The following CD4 variants were observed in gnomAD, a reference collection of about 807,000 sequenced individuals.
CD4 encodes the protein T-cell surface glycoprotein CD4.
CD4 carries 25 observed loss-of-function variants against 50.5 expected under a neutral mutation model. The observed-to-expected ratio is 0.49, with a 90% CI of 0.36 to 0.69. CD4 has a LOEUF of 0.69. Among genes scored for constraint, CD4 ranks in the 30% least tolerant of loss-of-function variants. The probability of loss-of-function intolerance (pLI) is 0.00; values close to 1 mark genes in which losing one functional copy is unlikely to be tolerated. For synonymous variants in CD4, 207 were observed against 221.9 expected, an observed-to-expected ratio of 0.93 and a Z score of 0.60; for missense variants, 456 against 548.5, an observed-to-expected ratio of 0.83 and a Z score of 1.68.
chr12:6,797,794 G>A (rs1192078643), intron 1 of CD4, among the ~76,000 whole-genome samples: 2 of 152,148 alleles, frequency 1.3e-5, no homozygotes, highest in Non-Finnish European at 2.9e-5. Flanking sequence ...CCGCCATGAT[G>A]TCTCGCCTCC....
chr12:6,795,100 C>G (rs550478352), intron 1 of CD4, among the ~76,000 whole-genome samples: 34 of 149,216 alleles, frequency 2.3e-4, no homozygotes, highest in African/African-American at 7.7e-4. Flanking sequence ...ATGTCTGTCT[C>G]TATCTATCTA....
intron 9 of CD4, 55 bp from the exon 10 acceptor site, chr12:6,819,244 C>T (rs782645677): frequency 1.8e-5 from 29 of 1,591,068 alleles, no homozygotes; most frequent in Middle Eastern, 1.7e-4. Flanking sequence ...GGTGCTAGAA[C>T]GCAAAGGGGT....
At chr12:6,806,168 C>T (rs1942751289) in intron 3 of CD4, among the ~76,000 whole-genome samples, 1 of 132,054 alleles carries the variant, frequency 7.6e-6, no homozygotes, top group African/African-American at 2.7e-5. Flanking sequence ...CACACACACA[C>T]ACACACACAC....
Position 6,818,367 on chromosome 12 carries a change from TC to T in CD4, c.1157-50del. On this transcript the variant is annotated intron_variant, in intron 7 of 9. Transcript: ENST00000011653. This position sits in a 1 kb window ranked among gnomAD's most constrained non-coding sequence, Gnocchi z 5.0. ...GGAGGGATTGCAGGGCAGTCCTCAG[TC>T]CCCTGGCCCGTGGAGGAGGGCGGTG... The T allele has an allele frequency of 6.2e-7, 1 of 1,603,408 alleles. No individual in the cohort carries two copies. The highest frequency in any genetic ancestry group is 8.5e-7 in the Non-Finnish European group (1 of 1,177,098).
At chr12:6,796,311 A>G (rs1409970466) in intron 1 of CD4, among the ~76,000 whole-genome samples, 1 of 152,230 alleles carries the variant, frequency 6.6e-6, no homozygotes, top group Non-Finnish European at 1.5e-5. Context: ...GTGGGACTTC[A>G]GAGTAGGCAG....
intron 1 of CD4, chr12:6,799,753 T>G: frequency 5.3e-6 from 1 of 189,814 alleles, no homozygotes; most frequent in Non-Finnish European, 1.1e-5. Flanking sequence ...AGCACTGGGA[T>G]TACAGGCATG....
At chr12:6,807,091 C>T (rs1312569649) in intron 3 of CD4, among the ~76,000 whole-genome samples, 2 of 151,988 alleles carry the variant, frequency 1.3e-5, no homozygotes, top group African/African-American at 2.4e-5. Context: ...GGTGTGAACC[C>T]GGGAGGCGGA....
At chr12:6,819,159 C>T in intron 9 of CD4, 140 bp from the exon 10 acceptor site, 1 of 872,564 alleles carries the variant, frequency 1.1e-6, no homozygotes. Context: ...GAGGATGGAG[C>T]TGAAGGAGCA....
chr12:6,800,904 AT>A (rs747714686), intron 3 of CD4, among the ~76,000 whole-genome samples: 1,671 of 149,340 alleles, frequency 0.011, 26 homozygotes, highest in African/African-American at 0.036. Context: ...ATGAAAAAAA[AT>A]ATATATATAT....
rs1163960989 is a variant in CD4 at position 6,793,696 on chromosome 12, CT to C, written c.-68+4035del. ...TCTATCTATCTATCTATCTATCTATCTATCTATCTTTTTTTTTTTTGAGACA... is the reference window on the plus strand; with the variant it reads ...TCTATCTATCTATCTATCTATCTATCATCTATCTTTTTTTTTTTTGAGACA... On this transcript the variant is annotated intron_variant, in intron 1 of 9. Transcript: ENST00000011653. Among the ~76,000 whole-genome samples, 3 of 33,432 alleles carry C rather than the reference CT, an allele frequency of 9.0e-5. No homozygotes were observed. In the East Asian group the frequency reaches 6.9e-3, roughly 77 times the overall value. 21.9% of individuals were successfully genotyped at this position (33,432 alleles called of 152,430 possible). A position where few individuals can be genotyped will look rare whatever the true frequency, so the allele number is the denominator to read the frequency against.
chr12:6,806,591 C>T (rs1214032543), intron 3 of CD4, among the ~76,000 whole-genome samples: 1 of 152,122 alleles, frequency 6.6e-6, no homozygotes, highest in Non-Finnish European at 1.5e-5. Flanking sequence ...ACTCTCAAAA[C>T]TCAAAACCAA....
At chr12:6,797,433 G>A (rs1338163151) in intron 1 of CD4, among the ~76,000 whole-genome samples, 5 of 152,120 alleles carry the variant, frequency 3.3e-5, no homozygotes, top group Non-Finnish European at 7.4e-5. Context: ...ACACCTGTGG[G>A]TATTTCTCGC....
rs143745546 is a variant in CD4, at chr12:6,819,786, C to T, written c.*457C>T. 9.2e-4 allele frequency: 161 copies of T among 174,736 alleles called. No homozygotes were observed. Among genetic ancestry groups the T allele is most frequent in the Middle Eastern group, 5.4e-3 (2 of 368 alleles). The allele number at this position is 174,736 out of a possible 1,614,324, so 10.8% of individuals were successfully genotyped here. ...AAGCCAGTCAAGGATGGATGCAGAT[C>T]CAGAGGTTTCTGGCAGCCAGTACCT... is the stretch of plus-strand genomic sequence containing the variant. On this transcript the variant is annotated 3_prime_UTR_variant, in exon 10 of 10. Coordinates refer to ENST00000011653, the MANE Select transcript of CD4 (RefSeq NM_000616.5).
chr12:6,815,952 G>T (rs782280358), intron 5 of CD4, 104 bp from the exon 6 acceptor site: 8 of 1,550,690 alleles, frequency 5.2e-6, no homozygotes, highest in Non-Finnish European at 6.1e-6. Context: ...GTCTGGACTC[G>T]TCGGGTCCCC....
At chr12:6,808,079 CAAA>C (rs34876182) in intron 3 of CD4, among the ~76,000 whole-genome samples, 8,327 of 70,346 alleles carry the variant, frequency 0.12, 458 homozygotes, top group South Asian at 0.3. Flanking sequence ...GGCTCTTTCT[CAAA>C]AAAAAAAAAA....
chr12:6,800,564 A>G, intron 3 of CD4, 93 bp downstream of exon 3: 1 of 1,125,368 alleles, frequency 8.9e-7, no homozygotes, highest in South Asian at 1.6e-5. Flanking sequence ...AAACTCTGGG[A>G]TCCCAGAGGG....
intron 3 of CD4, among the ~76,000 whole-genome samples, chr12:6,811,491 CTTTTTTTT>C (rs11318741): frequency 5.4e-5 from 6 of 111,032 alleles, no homozygotes; most frequent in South Asian, 3.0e-4. Context: ...TTTTCTTTTT[CTTTTTTTT>C]TTTTTTTTTT....
At position 6,818,658 on chromosome 12, in the gene CD4, C is replaced by G; in HGVS notation, c.1278+116C>G. 7.5e-7 allele frequency: 1 copy of G among 1,326,704 alleles called. No individual in the cohort carries two copies. Among genetic ancestry groups the G allele is most frequent in the African/African-American group, 1.4e-5 (1 of 69,126 alleles). 82.2% of individuals were successfully genotyped at this position (1,326,704 alleles called of 1,614,324 possible). ...AGCTCCCTCTGCCCACTCGTAAGTT[C>G]CCTTGCTGCCCTGTCCCAGATCCCA... On this transcript the variant is annotated intron_variant, in intron 8 of 9. Coordinates refer to ENST00000011653, the MANE Select transcript of CD4 (RefSeq NM_000616.5). This position sits in a 1 kb window ranked among gnomAD's most constrained non-coding sequence, Gnocchi z 5.0.
intron 3 of CD4, among the ~76,000 whole-genome samples, chr12:6,805,016 A>AAG (rs1555115930): frequency 3.6e-5 from 1 of 27,784 alleles, no homozygotes; most frequent in African/African-American, 2.6e-4. Flanking sequence ...ACTACGTCTC[A>AAG]AAAAAAAAAA....
Sources: allele counts gnomAD v4.1 joint callset (sites outside exome capture counted in the v4.1 genomes callset), GRCh38; gene constraint gnomAD v4.1.1; non-coding constraint Gnocchi (gnomAD v3.1); transcripts MANE v1.5; gene names NCBI Gene and HGNC (gene_info 2026-07-23, HGNC 2026-07-21).